Variants in DLC1 observed in about 807,000 individuals in gnomAD.
DLC1 encodes DLC1 Rho GTPase activating protein, also known as rho GTPase-activating protein 7.
DLC1 carries 54 observed loss-of-function variants against 140.3 expected under a neutral mutation model. The ratio of observed to expected loss-of-function variants is 0.38; its 90% confidence interval spans 0.31 to 0.48. The LOEUF (loss-of-function observed/expected upper bound fraction) is 0.48, where lower values mean the gene tolerates loss of function less well. DLC1 is among the 20% of genes least tolerant of loss of function. The pLI is 0.96. For missense variants in DLC1, 2,536 were observed against 1,907.0 expected (o/e 1.33, Z -6.14); for synonymous variants, 986 against 728.1 (o/e 1.35, Z -5.70).
intron 5 of DLC1, among the ~76,000 whole-genome samples, chr8:13,189,534 A>G (rs944194527): frequency 6.6e-6 from 1 of 152,092 alleles, no homozygotes; most frequent in Non-Finnish European, 1.5e-5. Context: ...TGCAACTGTA[A>G]TCAAGTAAAA....
chr8:13,317,670 A>G (rs1219278113), intron 4 of DLC1, among the ~76,000 whole-genome samples: 2 of 152,148 alleles, frequency 1.3e-5, no homozygotes, highest in Admixed American at 1.3e-4. Context: ...GAGGGCCTGA[A>G]TTAAAGGCAC....
Position 13,273,607 on chromosome 8 carries a change from G to A in DLC1, c.1348+31662C>T, listed in dbSNP as rs148194780. 8.3e-3 allele frequency among the ~76,000 whole-genome samples: 1,253 copies of A among 151,828 alleles called. 8 individuals are homozygous for A. The highest frequency in any genetic ancestry group is 0.013 in the Non-Finnish European group (853 of 67,954). ...AAATAACAGACAGGCTCCCTGTTTC[G>A]TGTAGAAGGGAGTTTAAGACAAGGA... On this transcript the variant is annotated intron_variant, in intron 5 of 17. Coordinates refer to ENST00000276297, the MANE Select transcript of DLC1 (RefSeq NM_182643.3).
chr8:13,191,118 G>C (rs547520994), intron 5 of DLC1, among the ~76,000 whole-genome samples: 46 of 152,306 alleles, frequency 3.0e-4, no homozygotes, highest in Non-Finnish European at 5.7e-4. Context: ...CAAATGACTG[G>C]TAATAGCAAA....
At chr8:13,314,525 C>T (rs1832792174) in intron 4 of DLC1, among the ~76,000 whole-genome samples, 1 of 151,884 alleles carries the variant, frequency 6.6e-6, no homozygotes, top group African/African-American at 2.4e-5. Context: ...TACTCATATC[C>T]ATCTTGGTCA....
At chr8:13,489,412 T>TACACACACACACACACACACAC (rs10558551) in intron 2 of DLC1, among the ~76,000 whole-genome samples, 63 of 132,352 alleles carry the variant, frequency 4.8e-4, no homozygotes, top group African/African-American at 1.7e-3. Flanking sequence ...ACACACACCA[T>TACACACACACACACACACACAC]ACACACACAC....
At chr8:13,532,800 C>G (rs1803143210) in intron 1 of DLC1, among the ~76,000 whole-genome samples, 1 of 152,114 alleles carries the variant, frequency 6.6e-6, no homozygotes, top group Admixed American at 6.6e-5. Context: ...TGTAATACTT[C>G]TTATTATAAT....
intron 1 of DLC1, among the ~76,000 whole-genome samples, chr8:13,599,165 C>G (rs1172872768): frequency 2.6e-5 from 4 of 151,402 alleles, no homozygotes; most frequent in Admixed American, 1.3e-4. Context: ...AAAATATACC[C>G]CTGACATGTG....
At position 13,122,058 on chromosome 8, in the gene DLC1, G is replaced by T. The variant is rs145566515; in HGVS notation, c.1349-6401C>A. ...TGGATTATCCTAACAGCCTCCTCAC[G>T]GAACTCTGATAAGCCTCACCCCTCC... is the stretch of plus-strand genomic sequence containing the variant. On this transcript the variant is annotated intron_variant, in intron 5 of 17. Transcript: ENST00000276297. Among the ~76,000 whole-genome samples, 448 of 152,120 alleles carry T rather than the reference G, an allele frequency of 2.9e-3. 1 individual carries two copies. The highest frequency in any genetic ancestry group is 5.2e-3 in the Admixed American group (80 of 15,270).
At chr8:13,141,152 A>C (rs1488061191) in intron 5 of DLC1, among the ~76,000 whole-genome samples, 2 of 150,534 alleles carry the variant, frequency 1.3e-5, no homozygotes. Flanking sequence ...CTACTCGGGA[A>C]GCTGAGGCAG....
chr8:13,382,385 T>C (rs1055116846), intron 4 of DLC1, among the ~76,000 whole-genome samples: 2 of 150,452 alleles, frequency 1.3e-5, no homozygotes, highest in African/African-American at 4.9e-5. Context: ...CGGGCGCCTG[T>C]AGTCCCAGCT....
chr8:13,218,466 T>A (rs1182188896), intron 5 of DLC1, among the ~76,000 whole-genome samples: 1 of 151,672 alleles, frequency 6.6e-6, no homozygotes, highest in Non-Finnish European at 1.5e-5. Context: ...AGAGAAAAAA[T>A]TTACAAATCA....
At position 13,084,351 on chromosome 8, in the gene DLC1, G is replaced by A. The variant is rs1817382826; in HGVS notation, c.*1460C>T. On this transcript the variant is annotated 3_prime_UTR_variant, in exon 18 of 18. Transcript: ENST00000276297. Reference sequence around the variant, plus strand: ...AACCTTTGAAATAACACTGAAAATGGTAACTAAATTATAACAAAATAAAAA... The same window carrying A: ...AACCTTTGAAATAACACTGAAAATGATAACTAAATTATAACAAAATAAAAA... 6.6e-6 allele frequency: 1 copy of A among 152,468 alleles called. No homozygotes were observed. Among genetic ancestry groups the A allele is most frequent in the Non-Finnish European group, 1.5e-5 (1 of 68,012 alleles). The allele number at this position is 152,468 out of a possible 1,614,324, so 9.4% of individuals were successfully genotyped here. A position where few individuals can be genotyped will look rare whatever the true frequency, so the allele number is the denominator to read the frequency against.
intron 1 of DLC1, chr8:13,567,562 G>A: frequency 6.4e-7 from 1 of 1,551,780 alleles, no homozygotes; most frequent in South Asian, 1.2e-5. Flanking sequence ...GGAGGCAGCA[G>A]CTAAGCAACA....
At chr8:13,272,861 G>A (rs546052346) in intron 5 of DLC1, among the ~76,000 whole-genome samples, 1 of 152,126 alleles carries the variant, frequency 6.6e-6, no homozygotes, top group Non-Finnish European at 1.5e-5. Flanking sequence ...GTGACAGAGC[G>A]AGACTCCGTC....
At chr8:13,090,229 C>A in intron 15 of DLC1, 23 bp downstream of exon 15, 1 of 1,605,738 alleles carries the variant, frequency 6.2e-7, no homozygotes, top group South Asian at 1.1e-5. Context: ...ACTCAACTAG[C>A]CGACAACAGG....
intron 2 of DLC1, among the ~76,000 whole-genome samples, chr8:13,456,756 C>A (rs1445538091): frequency 6.6e-6 from 1 of 151,976 alleles, no homozygotes; most frequent in Non-Finnish European, 1.5e-5. Flanking sequence ...ACCGTGCCCC[C>A]CTCCATAATA....
At chr8:13,553,182 T>C (rs1237623020) in intron 1 of DLC1, among the ~76,000 whole-genome samples, 5 of 124,016 alleles carry the variant, frequency 4.0e-5, no homozygotes, top group African/African-American at 5.8e-5. Context: ...GTCATTATAT[T>C]GACAAATACC....
chr8:13,202,221 G>C (rs1827428296), intron 5 of DLC1, among the ~76,000 whole-genome samples: 1 of 152,072 alleles, frequency 6.6e-6, no homozygotes, highest in African/African-American at 2.4e-5. Flanking sequence ...TGGGATTACA[G>C]GTGTGAGCCG....
At chr8:13,485,009 A>G (rs1432706617) in intron 2 of DLC1, among the ~76,000 whole-genome samples, 2 of 152,166 alleles carry the variant, frequency 1.3e-5, no homozygotes, top group African/African-American at 2.4e-5. Context: ...TGAAAATGCT[A>G]TGTCAAGTAC....
Sources: allele counts gnomAD v4.1 joint callset (sites outside exome capture counted in the v4.1 genomes callset), GRCh38; gene constraint gnomAD v4.1.1; transcripts MANE v1.5; gene names NCBI Gene and HGNC (gene_info 2026-07-23, HGNC 2026-07-21).